The following PTPRD variants were observed in gnomAD, a reference collection of about 807,000 sequenced individuals.
PTPRD encodes receptor-type tyrosine-protein phosphatase delta.
In PTPRD, 34 loss-of-function variants were observed where a neutral mutation model predicts 214.5. The observed-to-expected ratio is 0.16, with a 90% CI of 0.12 to 0.21. The LOEUF (loss-of-function observed/expected upper bound fraction) is 0.21, where lower values mean the gene tolerates loss of function less well. Ranked by LOEUF, PTPRD falls within the 10% of genes least tolerant of loss-of-function variation. PTPRD has a pLI of 1.00. For synonymous variants in PTPRD, 1,128 were observed against 845.7 expected, an observed-to-expected ratio of 1.33 and a Z score of -5.79; for missense variants, 2,545 against 2,398.7, an observed-to-expected ratio of 1.06 and a Z score of -1.27.
Position 10,342,401 on chromosome 9 carries a change from T to C in PTPRD, c.-599-1384A>G, listed in dbSNP as rs141496166. ...TATTGCCTGCCTTTTTACATTTCTA[T>C]ACATTTAGGATAAAACATGTCTTAA... On this transcript the variant is annotated intron_variant, in intron 2 of 45. Coordinates refer to ENST00000381196, the MANE Select transcript of PTPRD (RefSeq NM_002839.4). 4.2e-3 allele frequency among the ~76,000 whole-genome samples: 646 copies of C among 152,228 alleles called. 9 individuals are homozygous for C. Among genetic ancestry groups the C allele is most frequent in the African/African-American group, 0.015 (611 of 41,558 alleles).
At chr9:10,568,032 T>C (rs1488650799) in intron 2 of PTPRD, among the ~76,000 whole-genome samples, 1 of 151,936 alleles carries the variant, frequency 6.6e-6, no homozygotes, top group Non-Finnish European at 1.5e-5. Flanking sequence ...TTGTTACATA[T>C]GTATACATGT....
intron 36 of PTPRD, among the ~76,000 whole-genome samples, chr9:8,400,954 T>C (rs566240259): frequency 1.3e-5 from 2 of 152,294 alleles, no homozygotes; most frequent in African/African-American, 4.8e-5. Context: ...CAAGGTCACC[T>C]AGCTAGTTAG....
At chr9:8,926,044 T>C (rs912031020) in intron 11 of PTPRD, among the ~76,000 whole-genome samples, 1 of 151,936 alleles carries the variant, frequency 6.6e-6, no homozygotes, top group African/African-American at 2.4e-5. Context: ...GCCCTGGTAT[T>C]TATAGAAAGT....
chr9:10,594,630 T>C (rs1300625832), intron 2 of PTPRD, among the ~76,000 whole-genome samples: 1 of 152,012 alleles, frequency 6.6e-6, no homozygotes, highest in Non-Finnish European at 1.5e-5. Flanking sequence ...ACGAATGGCT[T>C]ACAATCTTCC....
intron 3 of PTPRD, among the ~76,000 whole-genome samples, chr9:10,054,951 G>A (rs1189103927): frequency 6.6e-6 from 1 of 151,856 alleles, no homozygotes; most frequent in African/African-American, 2.4e-5. Context: ...CATGAGTGCT[G>A]GGTCTTCATC....
At chr9:10,473,079 C>T (rs926937148) in intron 2 of PTPRD, among the ~76,000 whole-genome samples, 7 of 151,878 alleles carry the variant, frequency 4.6e-5, no homozygotes, top group Admixed American at 2.6e-4. Flanking sequence ...TGTTATATCA[C>T]GCTCCAGTAC....
chr9:10,309,406 G>T (rs2096198292), intron 3 of PTPRD, among the ~76,000 whole-genome samples: 1 of 151,888 alleles, frequency 6.6e-6, no homozygotes, highest in South Asian at 2.1e-4. Context: ...AGGCTGAAGT[G>T]TAATGGCACA....
chr9:9,283,215 C>T (rs1016966737), intron 9 of PTPRD, among the ~76,000 whole-genome samples: 1 of 151,444 alleles, frequency 6.6e-6, no homozygotes, highest in Non-Finnish European at 1.5e-5. Flanking sequence ...AGGTACAAAA[C>T]TTCACTTTCT....
intron 5 of PTPRD, among the ~76,000 whole-genome samples, chr9:9,873,642 A>G (rs932159767): frequency 6.6e-6 from 1 of 152,194 alleles, no homozygotes; most frequent in Non-Finnish European, 1.5e-5. Flanking sequence ...CATCTAAAAT[A>G]TAACAGCAAA....
intron 8 of PTPRD, among the ~76,000 whole-genome samples, chr9:9,566,126 AT>A (rs1249635159): frequency 4.0e-5 from 6 of 151,672 alleles, no homozygotes; most frequent in African/African-American, 9.7e-5. Flanking sequence ...GTGTATATAT[AT>A]TTTTTTCTTT....
At chr9:10,475,378 A>T (rs2099056108) in intron 2 of PTPRD, among the ~76,000 whole-genome samples, 1 of 152,140 alleles carries the variant, frequency 6.6e-6, no homozygotes, top group Non-Finnish European at 1.5e-5. Context: ...ATCAACTGGA[A>T]AATGTAGAAG....
At chr9:10,111,916 C>T (rs1163729587) in intron 3 of PTPRD, among the ~76,000 whole-genome samples, 1 of 152,146 alleles carries the variant, frequency 6.6e-6, no homozygotes, top group East Asian at 1.9e-4. Flanking sequence ...AGACTAGCTG[C>T]AGTGTATTTT....
chr9:10,337,336 T>C (rs920232574), intron 3 of PTPRD, among the ~76,000 whole-genome samples: 2 of 151,740 alleles, frequency 1.3e-5, no homozygotes, highest in Non-Finnish European at 2.9e-5. Flanking sequence ...ACAGATATGC[T>C]ATTCAACGTA....
chr9:10,128,977 T>A (rs2098839295), intron 3 of PTPRD, among the ~76,000 whole-genome samples: 1 of 152,116 alleles, frequency 6.6e-6, no homozygotes, highest in African/African-American at 2.4e-5. Context: ...TGTAGTAAAT[T>A]AGAATGTATA....
intron 44 of PTPRD, among the ~76,000 whole-genome samples, chr9:8,330,860 A>AAAAG (rs1458102759): frequency 6.6e-6 from 1 of 152,128 alleles, no homozygotes; most frequent in African/African-American, 2.4e-5. Flanking sequence ...TTTCACCATA[A>AAAAG]AAAGATTAGA....
rs56097815 is a variant in PTPRD, at chr9:9,901,114, A to G, written c.-368+37393T>C. 5.2e-3 allele frequency among the ~76,000 whole-genome samples: 793 copies of G among 152,280 alleles called. 9 individuals are homozygous for G. The highest frequency in any genetic ancestry group is 0.018 in the African/African-American group (754 of 41,554). On this transcript the variant is annotated intron_variant, in intron 5 of 45. Transcript: ENST00000381196. The stretch of plus-strand genomic sequence containing the variant: ...AGCTTACAGTCATAGTGGAGAGCAA[A>G]GCAGGTGCCTGTGTATAACACGGCG...
At chr9:8,675,934 G>T (rs2097402863) in intron 12 of PTPRD, among the ~76,000 whole-genome samples, 1 of 152,118 alleles carries the variant, frequency 6.6e-6, no homozygotes, top group Admixed American at 6.5e-5. Context: ...ACTGCAATGT[G>T]CTCCTGGTCC....
chr9:9,739,818 T>TAC (rs1291858221), intron 6 of PTPRD, among the ~76,000 whole-genome samples: 1 of 150,004 alleles, frequency 6.7e-6, no homozygotes, highest in Non-Finnish European at 1.5e-5. Flanking sequence ...CCTTTTTCTC[T>TAC]ACATATATAT....
At chr9:9,133,807 G>A (rs1490959228) in intron 10 of PTPRD, among the ~76,000 whole-genome samples, 1 of 152,100 alleles carries the variant, frequency 6.6e-6, no homozygotes, top group African/African-American at 2.4e-5. Flanking sequence ...AGCTGCCTGT[G>A]CACATGTAGA....
Sources: gnomAD v4.1 joint callset for allele counts (sites outside exome capture counted in the v4.1 genomes callset) on GRCh38, gnomAD v4.1.1 for gene constraint, MANE v1.5 for transcripts, NCBI Gene and HGNC (gene_info 2026-07-23, HGNC 2026-07-21) for gene names.